MARCHF1: variants seen among roughly 807,000 people sequenced by gnomAD.
The protein encoded by MARCHF1 is E3 ubiquitin-protein ligase MARCHF1.
Under a neutral mutation model 54.2 loss-of-function variants are expected in MARCHF1, and 40 were observed. That is an observed-to-expected ratio of 0.74 (90% confidence interval 0.57 to 0.96). The LOEUF (loss-of-function observed/expected upper bound fraction) is 0.96. Among genes scored for constraint, MARCHF1 ranks in the 40% least tolerant of loss-of-function variants. The pLI, the probability that MARCHF1 is intolerant of heterozygous loss-of-function variation, is 0.00. For missense variants in MARCHF1, 586 were observed against 656.5 expected, an observed-to-expected ratio of 0.89 and a Z score of 1.17; for synonymous variants, 236 against 236.3, an observed-to-expected ratio of 1.00 and a Z score of 0.01.
At chr4:164,377,608 C>A (rs1206824015) in intron 1 of MARCHF1, among the ~76,000 whole-genome samples, 2 of 151,948 alleles carry the variant, frequency 1.3e-5, no homozygotes, top group South Asian at 4.2e-4. Context: ...CACACACACA[C>A]ACACACATAC....
intron 1 of MARCHF1, among the ~76,000 whole-genome samples, chr4:164,182,871 T>A (rs1270407795): frequency 6.6e-6 from 1 of 151,978 alleles, no homozygotes; most frequent in Non-Finnish European, 1.5e-5. Context: ...ATATAAAATA[T>A]CTAGACATAA....
At chr4:164,161,173 T>C (rs1730223440) in intron 1 of MARCHF1, among the ~76,000 whole-genome samples, 1 of 152,156 alleles carries the variant, frequency 6.6e-6, no homozygotes, top group Admixed American at 6.6e-5. Flanking sequence ...CTTAGCATCA[T>C]CACCCTTGGT....
chr4:164,337,663 G>A (rs1404633267), intron 1 of MARCHF1, among the ~76,000 whole-genome samples: 1 of 152,182 alleles, frequency 6.6e-6, no homozygotes, highest in African/African-American at 2.4e-5. Flanking sequence ...ACCCTCAATG[G>A]TCCACACACC....
rs149932512 is a variant in MARCHF1, at chr4:164,076,384, C to T, written c.-248+35204G>A. ...GTCAATAAACTAGGTATTGATGGAA[C>T]GTATCTCAAAATAATAAGAGCTATT... On this transcript the variant is annotated intron_variant, in intron 2 of 9. Transcript: ENST00000514618. 8.7e-3 allele frequency among the ~76,000 whole-genome samples: 1,329 copies of T among 152,206 alleles called. 12 individuals are homozygous for T. Among genetic ancestry groups the T allele is most frequent in the Non-Finnish European group, 0.015 (986 of 67,988 alleles).
rs1741680822 is a variant in MARCHF1, at chr4:163,621,093, A to T, written c.163-7700T>A. On this transcript the variant is annotated intron_variant, in intron 5 of 9. Transcript: ENST00000514618. Reference sequence around the variant, plus strand: ...CACATAAAAGGATTGTGAGGATAATAACATGAAATCATTGATCTGATAACT... The same window carrying T: ...CACATAAAAGGATTGTGAGGATAATTACATGAAATCATTGATCTGATAACT... Among the ~76,000 whole-genome samples the T allele has an allele frequency of 2.0e-5, 3 of 152,222 alleles. 1 individual carries two copies. The highest frequency in any genetic ancestry group is 1.3e-4 in the Admixed American group (2 of 15,278).
chr4:164,195,337 T>C (rs908192447), intron 1 of MARCHF1, among the ~76,000 whole-genome samples: 1 of 152,162 alleles, frequency 6.6e-6, no homozygotes, highest in African/African-American at 2.4e-5. Context: ...GATGCTACTA[T>C]AAAAAAGGAT....
At chr4:164,119,052 T>C (rs542223889) in intron 1 of MARCHF1, among the ~76,000 whole-genome samples, 10 of 151,502 alleles carry the variant, frequency 6.6e-5, no homozygotes, top group South Asian at 4.1e-4. Flanking sequence ...TTAAGGGTTT[T>C]TGCATACCAA....
At chr4:163,979,012 TTTAA>T (rs1490507532) in intron 3 of MARCHF1, among the ~76,000 whole-genome samples, 3 of 95,152 alleles carry the variant, frequency 3.2e-5, no homozygotes, top group African/African-American at 1.1e-4. Context: ...TTTGGGGCCC[TTTAA>T]TTCTTTTTTT....
intron 4 of MARCHF1, among the ~76,000 whole-genome samples, chr4:163,789,774 T>C (rs1159896094): frequency 6.6e-6 from 1 of 152,088 alleles, no homozygotes; most frequent in Non-Finnish European, 1.5e-5. Context: ...ACTTCTTTTT[T>C]TATTATTTGT....
intron 1 of MARCHF1, among the ~76,000 whole-genome samples, chr4:164,337,547 G>A (rs1729774356): frequency 6.6e-6 from 1 of 152,188 alleles, no homozygotes; most frequent in Admixed American, 6.5e-5. Flanking sequence ...AGAGAGTCTG[G>A]GAGCAGGGAA....
chr4:163,828,590 G>T (rs1183901471), intron 4 of MARCHF1, among the ~76,000 whole-genome samples: 1 of 151,990 alleles, frequency 6.6e-6, no homozygotes, highest in Non-Finnish European at 1.5e-5. Context: ...AAAATAAGGA[G>T]GTATTTACAT....
chr4:164,182,906 A>G (rs754117726), intron 1 of MARCHF1, among the ~76,000 whole-genome samples: 14 of 152,188 alleles, frequency 9.2e-5, no homozygotes, highest in Non-Finnish European at 1.6e-4. Flanking sequence ...AAGAAAAACC[A>G]TTCATGTCAA....
At chr4:164,359,785 G>A (rs187419189) in intron 1 of MARCHF1, among the ~76,000 whole-genome samples, 1 of 152,176 alleles carries the variant, frequency 6.6e-6, no homozygotes, top group African/African-American at 2.4e-5. Context: ...GCTACCACCT[G>A]TAAGTCCATC....
rs534834563 is a variant in MARCHF1 at position 163,809,802 on chromosome 4, A to C, written c.111+44219T>G. On this transcript the variant is annotated intron_variant, in intron 4 of 9. Coordinates refer to ENST00000514618, the MANE Select transcript of MARCHF1 (RefSeq NM_001394959.1). ...TCACACTAAAGATATTTTTAAACAA[A>C]AACAAAATTTAAAATGTTAAGAACT... Among the ~76,000 whole-genome samples, 9 of 152,328 alleles carry C rather than the reference A, an allele frequency of 5.9e-5. 1 individual carries two copies. In the South Asian group the frequency reaches 1.9e-3, roughly 32 times the overall value.
intron 4 of MARCHF1, among the ~76,000 whole-genome samples, chr4:163,761,342 G>A (rs1382938919): frequency 6.6e-6 from 1 of 152,196 alleles, no homozygotes; most frequent in African/African-American, 2.4e-5. Context: ...ATATAAAATA[G>A]TAGAGAGCAA....
intron 4 of MARCHF1, among the ~76,000 whole-genome samples, chr4:163,734,158 C>A (rs1191054679): frequency 6.6e-6 from 1 of 152,004 alleles, no homozygotes; most frequent in Non-Finnish European, 1.5e-5. Context: ...AGCAAAGAAA[C>A]AAAAAGACTT....
intron 5 of MARCHF1, among the ~76,000 whole-genome samples, chr4:163,665,864 A>C (rs1286322228): frequency 6.6e-6 from 1 of 152,076 alleles, no homozygotes; most frequent in Non-Finnish European, 1.5e-5. Context: ...TTACTCCTCC[A>C]TTGGGCATAC....
At chr4:163,983,766 A>G (rs1485626769) in intron 3 of MARCHF1, among the ~76,000 whole-genome samples, 2 of 152,132 alleles carry the variant, frequency 1.3e-5, no homozygotes, top group African/African-American at 4.8e-5. Flanking sequence ...AATAATTTTT[A>G]AGGAACTTTC....
At chr4:164,334,400 G>T (rs536030439) in intron 1 of MARCHF1, among the ~76,000 whole-genome samples, 123 of 152,058 alleles carry the variant, frequency 8.1e-4, no homozygotes, top group African/African-American at 2.9e-3. Context: ...GGGCCCTTAA[G>T]AATTATACTA....
Sources: gnomAD v4.1 joint callset for allele counts (sites outside exome capture counted in the v4.1 genomes callset) on GRCh38, gnomAD v4.1.1 for gene constraint, MANE v1.5 for transcripts, NCBI Gene and HGNC (gene_info 2026-07-23, HGNC 2026-07-21) for gene names.